SHISA6: variants seen among roughly 807,000 people sequenced by gnomAD.
The protein encoded by SHISA6 is shisa family member 6.
A neutral mutation model predicts 47.9 loss-of-function variants in SHISA6; 22 were observed. The ratio of observed to expected loss-of-function variants is 0.46; its 90% CI spans 0.33 to 0.66. The LOEUF (loss-of-function observed/expected upper bound fraction) is 0.66. Among genes scored for constraint, SHISA6 ranks in the 30% least tolerant of loss-of-function variants. SHISA6 has a pLI of 0.02. For missense variants in SHISA6, 680 were observed against 764.6 expected, an observed-to-expected ratio of 0.89 and a Z score of 1.30; for synonymous variants, 388 against 337.8, an observed-to-expected ratio of 1.15 and a Z score of -1.63.
At chr17:11,342,217 C>G (rs1007309866) in intron 2 of SHISA6, among the ~76,000 whole-genome samples, 12 of 152,144 alleles carry the variant, frequency 7.9e-5, no homozygotes, top group Non-Finnish European at 1.2e-4. Flanking sequence ...ATCCATGGAG[C>G]TGCAGCCTAA....
chr17:11,359,007 CA>C (rs1204516379), intron 2 of SHISA6, among the ~76,000 whole-genome samples: 1 of 152,180 alleles, frequency 6.6e-6, no homozygotes, highest in Non-Finnish European at 1.5e-5. Context: ...ATGTGATGTA[CA>C]TACCACATTT....
At chr17:11,310,378 A>G (rs1184853763) in intron 2 of SHISA6, among the ~76,000 whole-genome samples, 2 of 152,168 alleles carry the variant, frequency 1.3e-5, no homozygotes, top group Non-Finnish European at 2.9e-5. Flanking sequence ...TATGAAGGGA[A>G]ATAATGCAGG....
At chr17:11,361,504 C>T (rs954471844) in intron 2 of SHISA6, among the ~76,000 whole-genome samples, 7 of 152,098 alleles carry the variant, frequency 4.6e-5, no homozygotes, top group African/African-American at 1.4e-4. Flanking sequence ...CATGCATGTC[C>T]GTGGACTGTA....
chr17:11,397,037 T>C (rs1913594469), intron 3 of SHISA6, among the ~76,000 whole-genome samples: 1 of 152,178 alleles, frequency 6.6e-6, no homozygotes, highest in Admixed American at 6.5e-5. Context: ...CCTAGAACTT[T>C]TAGGTAGGGT....
At chr17:11,353,816 C>G (rs928534187) in intron 2 of SHISA6, among the ~76,000 whole-genome samples, 1 of 152,150 alleles carries the variant, frequency 6.6e-6, no homozygotes, top group African/African-American at 2.4e-5. Context: ...GGACTAAATG[C>G]TGGAAGAAGA....
intron 2 of SHISA6, among the ~76,000 whole-genome samples, chr17:11,347,303 C>T (rs1288625815): frequency 6.6e-6 from 1 of 152,040 alleles, no homozygotes; most frequent in Non-Finnish European, 1.5e-5. Flanking sequence ...TAAACGGGAG[C>T]AGTCAGAAGT....
Position 11,241,418 on chromosome 17 carries a change from C to G in SHISA6, c.-5C>G. 1 of 1,147,288 alleles carries G rather than the reference C, an allele frequency of 8.7e-7. No individual in the cohort carries two copies. Among genetic ancestry groups the G allele is most frequent in the South Asian group, 2.1e-5 (1 of 46,584 alleles). 71.1% of individuals were successfully genotyped at this position (1,147,288 alleles called of 1,614,324 possible). A position where few individuals can be genotyped will look rare whatever the true frequency, so the allele number is the denominator to read the frequency against. ...CCTCCCCGCGCCCTCCCGCCCGGCCCCGCCATGGCGCTGCGGCGCCTCCTG... is the reference window on the plus strand; with the variant it reads ...CCTCCCCGCGCCCTCCCGCCCGGCCGCGCCATGGCGCTGCGGCGCCTCCTG... On this transcript the variant is annotated 5_prime_UTR_variant, in exon 1 of 6. Transcript: ENST00000441885. This position sits in a 1 kb window ranked among gnomAD's most constrained non-coding sequence, Gnocchi z 5.5.
intron 3 of SHISA6, among the ~76,000 whole-genome samples, chr17:11,388,462 C>A (rs1226407064): frequency 6.6e-6 from 1 of 151,972 alleles, no homozygotes; most frequent in Non-Finnish European, 1.5e-5. Flanking sequence ...ATTGGTCATT[C>A]GGATCTGCAT....
At chr17:11,557,601 C>T (rs144389930) in intron 5 of SHISA6, among the ~76,000 whole-genome samples, 153 bp from the exon 6 acceptor site, 67 of 152,348 alleles carry the variant, frequency 4.4e-4, no homozygotes, top group Non-Finnish European at 8.4e-4. Flanking sequence ...ACCCTTCACC[C>T]GTCTGTCCTA....
At chr17:11,290,775 T>C (rs2142168674) in intron 2 of SHISA6, 1 of 152,226 alleles carries the variant, frequency 6.6e-6, no homozygotes, top group South Asian at 2.1e-4. Context: ...AAATTGCTGG[T>C]TTCCTAGGTC....
intron 3 of SHISA6, among the ~76,000 whole-genome samples, chr17:11,527,082 G>T (rs2071693622): frequency 6.6e-6 from 1 of 151,840 alleles, no homozygotes; most frequent in African/African-American, 2.4e-5. Context: ...TACCACCCAA[G>T]AATACAGACC....
intron 3 of SHISA6, among the ~76,000 whole-genome samples, chr17:11,401,940 G>T (rs796368310): frequency 6.6e-6 from 1 of 152,142 alleles, no homozygotes; most frequent in Non-Finnish European, 1.5e-5. Context: ...CCACACATAC[G>T]CATTGCAGTA....
chr17:11,445,566 G>A (rs1915205185), intron 3 of SHISA6, among the ~76,000 whole-genome samples: 1 of 152,206 alleles, frequency 6.6e-6, no homozygotes, highest in Non-Finnish European at 1.5e-5. Context: ...TGTAGGCCAT[G>A]AGACAATTAT....
At chr17:11,324,434 G>T (rs1019193501) in intron 2 of SHISA6, among the ~76,000 whole-genome samples, 1 of 152,178 alleles carries the variant, frequency 6.6e-6, no homozygotes, top group Non-Finnish European at 1.5e-5. Context: ...GGGCACAGGG[G>T]TTACTTGTCA....
intron 2 of SHISA6, among the ~76,000 whole-genome samples, chr17:11,318,180 C>A (rs1343884726): frequency 6.6e-6 from 1 of 152,128 alleles, no homozygotes; most frequent in East Asian, 1.9e-4. Context: ...AAATTAGATT[C>A]AAATTATCTG....
At chr17:11,467,922 C>T (rs184743105) in intron 3 of SHISA6, among the ~76,000 whole-genome samples, 20 of 152,238 alleles carry the variant, frequency 1.3e-4, no homozygotes, top group African/African-American at 4.8e-4. Context: ...GCTTCTAAAA[C>T]CCTTAAAGCT....
At chr17:11,510,752 T>C (rs2071534717) in intron 3 of SHISA6, among the ~76,000 whole-genome samples, 1 of 152,230 alleles carries the variant, frequency 6.6e-6, no homozygotes, top group African/African-American at 2.4e-5. Context: ...CTAAATCAAA[T>C]GCAAGCAGTA....
At chr17:11,445,455 T>G (rs1302601020) in intron 3 of SHISA6, among the ~76,000 whole-genome samples, 1 of 152,208 alleles carries the variant, frequency 6.6e-6, no homozygotes, top group African/African-American at 2.4e-5. Flanking sequence ...ATAACTCAGA[T>G]TAATTAAATA....
intron 2 of SHISA6, among the ~76,000 whole-genome samples, chr17:11,266,552 G>A (rs559029157): frequency 3.3e-5 from 5 of 152,188 alleles, no homozygotes; most frequent in Non-Finnish European, 7.3e-5. Context: ...GTCTTTCCAA[G>A]TTTCTTTGTC....
Sources: gnomAD v4.1 joint callset for allele counts (sites outside exome capture counted in the v4.1 genomes callset) on GRCh38, gnomAD v4.1.1 for gene constraint, Gnocchi (gnomAD v3.1) non-coding constraint, MANE v1.5 for transcripts, NCBI Gene and HGNC (gene_info 2026-07-23, HGNC 2026-07-21) for gene names.